TRAF5: variants seen among roughly 807,000 people sequenced by gnomAD.
TRAF5 encodes the protein TNF receptor associated factor 5.
Under a neutral mutation model 64.5 loss-of-function variants are expected in TRAF5, and 48 were observed. That is an observed-to-expected ratio of 0.74 (90% CI 0.59 to 0.95). The LOEUF is 0.95. Ranked by LOEUF, TRAF5 falls within the 40% of genes least tolerant of loss-of-function variation. The pLI is 0.00. For synonymous variants in TRAF5, 206 were observed against 240.5 expected (o/e 0.86, Z 1.33); for missense variants, 545 against 662.8 (o/e 0.82, Z 1.95).
intron 1 of TRAF5, among the ~76,000 whole-genome samples, chr1:211,346,769 A>G (rs1170516283): frequency 1.3e-5 from 2 of 152,248 alleles, no homozygotes; most frequent in Non-Finnish European, 2.9e-5. Context: ...AATATTTGTC[A>G]TATGTTCTCC....
upstream of TRAF5, chr1:211,326,822 C>T: frequency 5.1e-6 from 5 of 984,376 alleles, no homozygotes; most frequent in Non-Finnish European, 6.0e-6. This position sits in a 1 kb window ranked among gnomAD's most constrained non-coding sequence, Gnocchi z 5.0. Flanking sequence ...CCGCCGCCGC[C>T]GGCCGCAGCC....
At chr1:211,353,150 T>C in intron 1 of TRAF5, 89 bp from the exon 2 acceptor site, 1 of 1,264,196 alleles carries the variant, frequency 7.9e-7, no homozygotes, top group Non-Finnish European at 1.1e-6. Flanking sequence ...GTACACTAAT[T>C]ATGAGACAAA....
At position 211,372,114 on chromosome 1, in the gene TRAF5, T is replaced by C. The variant is rs777022984; in HGVS notation, c.1100-14T>C. The C allele has an allele frequency of 2.6e-6, 4 of 1,521,754 alleles. No homozygotes were observed. The South Asian group carries it at 3.9e-5, about 15-fold the overall frequency. 94.3% of individuals were successfully genotyped at this position (1,521,754 alleles called of 1,614,324 possible). A position where few individuals can be genotyped will look rare whatever the true frequency, so the allele number is the denominator to read the frequency against. ...GCCTATGGAATCTTTTTTTTTTTTT[T>C]TTCTTATTTGCAGCCGTTTTAGAAG... On this transcript the variant is annotated splice_polypyrimidine_tract_variant and intron_variant, in intron 10 of 10. Transcript: ENST00000261464.
At chr1:211,345,364 C>T (rs904328276) in intron 1 of TRAF5, among the ~76,000 whole-genome samples, 4 of 151,928 alleles carry the variant, frequency 2.6e-5, no homozygotes, top group Non-Finnish European at 5.9e-5. Flanking sequence ...CCTGCGCTCC[C>T]CCCCCCTCCT....
chr1:211,371,708 T>C (rs1703529200), intron 10 of TRAF5, among the ~76,000 whole-genome samples: 1 of 152,180 alleles, frequency 6.6e-6, no homozygotes, highest in South Asian at 2.1e-4. Context: ...GGCCAGCAAA[T>C]TCCAAGAAAG....
At chr1:211,333,176 T>G (rs545768261) in intron 1 of TRAF5, among the ~76,000 whole-genome samples, 5 of 152,276 alleles carry the variant, frequency 3.3e-5, no homozygotes, top group South Asian at 4.1e-4. Flanking sequence ...GCCCTTCTTT[T>G]TTTTGTTTTG....
At chr1:211,346,057 T>C (rs886782738) in intron 1 of TRAF5, among the ~76,000 whole-genome samples, 3 of 152,246 alleles carry the variant, frequency 2.0e-5, no homozygotes, top group African/African-American at 7.2e-5. Flanking sequence ...AGTTAATTGC[T>C]AACCATTCTA....
At position 211,359,588 on chromosome 1, in the gene TRAF5, C is replaced by T. The variant is rs187989259; in HGVS notation, c.379-324C>T. On this transcript the variant is annotated intron_variant, in intron 4 of 10. Coordinates refer to ENST00000261464, the MANE Select transcript of TRAF5 (RefSeq NM_001033910.3). ...GTAAATTAAGGAAAATATCCAAGAA[C>T]TAACCTGAGAATATGAGCACATTAT... 7.2e-4 allele frequency: 158 copies of T among 219,400 alleles called. 1 individual carries two copies. The highest frequency in any genetic ancestry group is 3.3e-3 in the African/African-American group (147 of 44,192). 13.6% of individuals were successfully genotyped at this position (219,400 alleles called of 1,614,324 possible).
chr1:211,362,615 G>T (rs1703220721), intron 7 of TRAF5, among the ~76,000 whole-genome samples: 1 of 152,142 alleles, frequency 6.6e-6, no homozygotes, highest in South Asian at 2.1e-4. Flanking sequence ...GGGAGGCCAA[G>T]GTTGCAGTGA....
intron 9 of TRAF5, among the ~76,000 whole-genome samples, chr1:211,370,410 CA>C (rs1703485075): frequency 3.3e-5 from 5 of 151,202 alleles, no homozygotes; most frequent in African/African-American, 4.9e-5. Context: ...CACACACACA[CA>C]CCCTTCATAT....
Position 211,354,559 on chromosome 1 carries a change from C to A in TRAF5, c.276+92C>A. Reference sequence around the variant, plus strand: ...ATTGAGATAGGAGCAGGAGAGTGGTCGAGGGAGACCTTCCTTGGAGTCCAT... The same window carrying A: ...ATTGAGATAGGAGCAGGAGAGTGGTAGAGGGAGACCTTCCTTGGAGTCCAT... On this transcript the variant is annotated intron_variant, in intron 3 of 10. Coordinates refer to ENST00000261464, the MANE Select transcript of TRAF5 (RefSeq NM_001033910.3). The A allele has an allele frequency of 3.1e-6, 4 of 1,283,860 alleles. No individual in the cohort carries two copies. The South Asian group carries it at 3.7e-5, about 12-fold the overall frequency. The allele number at this position is 1,283,860 out of a possible 1,614,324, so 79.5% of individuals were successfully genotyped here.
chr1:211,328,780 T>C (rs991329619), intron 1 of TRAF5, among the ~76,000 whole-genome samples: 2 of 152,226 alleles, frequency 1.3e-5, no homozygotes, highest in African/African-American at 4.8e-5. Flanking sequence ...GTAAAGCTCG[T>C]TCCTTTGCAA....
chr1:211,369,411 A>T lies in TRAF5; in HGVS notation c.790-41A>T. 3 of 1,550,886 alleles carry T rather than the reference A, an allele frequency of 1.9e-6. No homozygotes were observed. In the South Asian group the frequency reaches 3.8e-5, roughly 20 times the overall value. On this transcript the variant is annotated intron_variant, in intron 8 of 10. Coordinates refer to ENST00000261464, the MANE Select transcript of TRAF5 (RefSeq NM_001033910.3). ...ATATTTTAACTATATGCATGCAGTT[A>T]TATTCAGTGACTTTATTTTTCCTCA... is the stretch of plus-strand genomic sequence containing the variant.
chr1:211,365,547 A>G lies in TRAF5; in HGVS notation c.789+79A>G, dbSNP rs1174360273. ...ACCTGCTCTATGCTGGTATTTTTCT[A>G]TTCTCCCCTGTTTCAGTATAAGTCA... is the stretch of plus-strand genomic sequence containing the variant. On this transcript the variant is annotated intron_variant, in intron 8 of 10. Coordinates refer to ENST00000261464, the MANE Select transcript of TRAF5 (RefSeq NM_001033910.3). 4.3e-6 allele frequency: 5 copies of G among 1,165,830 alleles called. No individual in the cohort carries two copies. The East Asian group carries it at 1.3e-4, about 30-fold the overall frequency. The allele number at this position is 1,165,830 out of a possible 1,614,324, so 72.2% of individuals were successfully genotyped here.
intron 1 of TRAF5, among the ~76,000 whole-genome samples, chr1:211,343,624 C>T (rs900626404): frequency 6.6e-6 from 1 of 152,132 alleles, no homozygotes; most frequent in Non-Finnish European, 1.5e-5. Flanking sequence ...AATTAGCTGT[C>T]TCTGTGCTTG....
intron 1 of TRAF5, among the ~76,000 whole-genome samples, chr1:211,342,232 G>A (rs1702466493): frequency 6.6e-6 from 1 of 152,164 alleles, no homozygotes; most frequent in Non-Finnish European, 1.5e-5. Context: ...AACCCCTGAT[G>A]TATATAGTAT....
At chr1:211,360,580 TAGG>T (rs1703142241) in intron 5 of TRAF5, 119 bp from the exon 6 acceptor site, 1 of 680,984 alleles carries the variant, frequency 1.5e-6, no homozygotes, top group Non-Finnish European at 2.5e-6. Context: ...TTTTTGGAAT[TAGG>T]CAATAACTTC....
rs1156493105 is a variant in TRAF5 at position 211,361,227 on chromosome 1, TTAC to T, written c.696+67_696+69del. 1.1e-5 allele frequency: 15 copies of T among 1,413,292 alleles called. 1 individual carries two copies. In the African/African-American group the frequency reaches 2.0e-4, roughly 19 times the overall value. The allele number at this position is 1,413,292 out of a possible 1,614,324, so 87.5% of individuals were successfully genotyped here. On this transcript the variant is annotated intron_variant, in intron 7 of 10. Coordinates refer to ENST00000261464, the MANE Select transcript of TRAF5 (RefSeq NM_001033910.3). ...GTATAATTCACTTGGCAAGTTCAGT[TTAC>T]TCTCTGTTCCATCGAGGATGGAGAA... is the stretch of plus-strand genomic sequence containing the variant.
chr1:211,364,424 T>C (rs551230359), intron 7 of TRAF5, among the ~76,000 whole-genome samples: 1 of 152,168 alleles, frequency 6.6e-6, no homozygotes, highest in Non-Finnish European at 1.5e-5. Flanking sequence ...CTGTGGCTCA[T>C]GCCTGTAATC....
Sources: allele counts gnomAD v4.1 joint callset (sites outside exome capture counted in the v4.1 genomes callset), GRCh38; gene constraint gnomAD v4.1.1; non-coding constraint Gnocchi (gnomAD v3.1); transcripts MANE v1.5; gene names NCBI Gene and HGNC (gene_info 2026-07-23, HGNC 2026-07-21).